The following MACROD2 variants were observed in gnomAD, a reference collection of about 807,000 sequenced individuals.
MACROD2 encodes mono-ADP ribosylhydrolase 2.
In MACROD2, 36 loss-of-function variants were observed where a neutral mutation model predicts 70.4. The ratio of observed to expected loss-of-function variants is 0.51; its 90% confidence interval spans 0.39 to 0.68. The LOEUF is 0.68. Among genes scored for constraint, MACROD2 ranks in the 30% least tolerant of loss-of-function variants. The probability of loss-of-function intolerance (pLI) is 0.00; values close to 1 mark genes in which losing one functional copy is unlikely to be tolerated. For synonymous variants in MACROD2, 172 were observed against 178.8 expected, an observed-to-expected ratio of 0.96 and a Z score of 0.30; for missense variants, 496 against 538.4, an observed-to-expected ratio of 0.92 and a Z score of 0.78.
intron 2 of MACROD2, among the ~76,000 whole-genome samples, chr20:14,055,977 A>G (rs150924402): frequency 9.2e-5 from 14 of 152,260 alleles, no homozygotes; most frequent in African/African-American, 3.1e-4. Context: ...TAAGAACCCC[A>G]GACTGTGTTA....
At chr20:15,691,406 G>A (rs1251749254) in intron 8 of MACROD2, among the ~76,000 whole-genome samples, 1 of 152,068 alleles carries the variant, frequency 6.6e-6, no homozygotes, top group Admixed American at 6.5e-5. Context: ...CCTACTATGT[G>A]CCAGGTACCA....
chr20:14,144,834 G>T (rs2054925258), intron 3 of MACROD2, among the ~76,000 whole-genome samples: 1 of 152,090 alleles, frequency 6.6e-6, no homozygotes, highest in Non-Finnish European at 1.5e-5. Context: ...ATAATTATGG[G>T]GGTGTTGCCC....
chr20:14,312,011 G>C (rs1310934059), intron 3 of MACROD2, among the ~76,000 whole-genome samples: 2 of 152,040 alleles, frequency 1.3e-5, no homozygotes, highest in Non-Finnish European at 2.9e-5. Context: ...TATTTTCTGA[G>C]TAACAAGTCA....
chr20:15,353,444 C>A (rs1367390503), intron 6 of MACROD2, among the ~76,000 whole-genome samples: 1 of 152,040 alleles, frequency 6.6e-6, no homozygotes, highest in African/African-American at 2.4e-5. Flanking sequence ...TAGGCATGGG[C>A]AAGGACTTCT....
At chr20:15,752,024 A>T (rs2051280056) in intron 8 of MACROD2, among the ~76,000 whole-genome samples, 1 of 151,984 alleles carries the variant, frequency 6.6e-6, no homozygotes, top group African/African-American at 2.4e-5. Context: ...TAGAACTCGG[A>T]CTGACATCTT....
intron 5 of MACROD2, among the ~76,000 whole-genome samples, chr20:14,798,073 T>C (rs776510898): frequency 1.3e-5 from 2 of 152,100 alleles, no homozygotes; most frequent in Non-Finnish European, 2.9e-5. Flanking sequence ...GAGGTGTAAT[T>C]AATAATGTCA....
At chr20:15,783,203 C>T (rs1274607458) in intron 8 of MACROD2, among the ~76,000 whole-genome samples, 2 of 152,010 alleles carry the variant, frequency 1.3e-5, no homozygotes, top group Non-Finnish European at 2.9e-5. Flanking sequence ...TTGTTTGTCT[C>T]GATTCTCCTT....
rs1323536025 is a variant in MACROD2, at chr20:15,791,153, T to G, written c.646-71592T>G. On this transcript the variant is annotated intron_variant, in intron 8 of 17. Coordinates refer to ENST00000684519, the MANE Select transcript of MACROD2 (RefSeq NM_001351661.2). ...TTTCCATGGAAGTAGTTAGTCATTCTTCTCAATTCTTTATTTGGATGCTCA... is the reference window on the plus strand; with the variant it reads ...TTTCCATGGAAGTAGTTAGTCATTCGTCTCAATTCTTTATTTGGATGCTCA... Among the ~76,000 whole-genome samples, 4 of 152,144 alleles carry G rather than the reference T, an allele frequency of 2.6e-5. No homozygotes were observed. The South Asian group carries it at 8.3e-4, about 32-fold the overall frequency.
intron 4 of MACROD2, among the ~76,000 whole-genome samples, chr20:14,642,203 T>G (rs1468869550): frequency 6.6e-6 from 1 of 152,200 alleles, no homozygotes; most frequent in African/African-American, 2.4e-5. Context: ...AACTTTTCTC[T>G]TCCAGCTTCC....
intron 8 of MACROD2, among the ~76,000 whole-genome samples, chr20:15,529,768 C>T (rs573368223): frequency 6.6e-6 from 1 of 152,170 alleles, no homozygotes; most frequent in Non-Finnish European, 1.5e-5. Context: ...CCGCCCCCCC[C>T]ACCTTTGACC....
intron 6 of MACROD2, among the ~76,000 whole-genome samples, chr20:15,417,598 C>CAAAAA (rs71340225): frequency 7.2e-5 from 5 of 69,298 alleles, no homozygotes; most frequent in African/African-American, 2.5e-4. Flanking sequence ...AACCCTGTCT[C>CAAAAA]AAAAAAAAAA....
At chr20:14,489,286 G>A (rs867629993) in intron 3 of MACROD2, among the ~76,000 whole-genome samples, 4 of 152,186 alleles carry the variant, frequency 2.6e-5, no homozygotes, top group South Asian at 4.1e-4. Context: ...GAGGCCTGTT[G>A]CCAGATTGAT....
chr20:14,106,206 C>A (rs2054365967), intron 3 of MACROD2, among the ~76,000 whole-genome samples: 1 of 152,200 alleles, frequency 6.6e-6, no homozygotes, highest in Admixed American at 6.5e-5. Flanking sequence ...TAGCATTCAC[C>A]ACAAGCTGAC....
intron 5 of MACROD2, among the ~76,000 whole-genome samples, chr20:14,782,925 A>T (rs185459303): frequency 6.6e-6 from 1 of 152,282 alleles, no homozygotes; most frequent in Admixed American, 6.5e-5. Flanking sequence ...AAGACAAGGC[A>T]CAGCAGTGCA....
At chr20:14,270,220 C>T (rs1416303706) in intron 3 of MACROD2, among the ~76,000 whole-genome samples, 1 of 152,030 alleles carries the variant, frequency 6.6e-6, no homozygotes, top group Non-Finnish European at 1.5e-5. Flanking sequence ...AACATATATA[C>T]ACACACATAT....
At chr20:14,927,736 C>T (rs550339164) in intron 5 of MACROD2, among the ~76,000 whole-genome samples, 1 of 152,294 alleles carries the variant, frequency 6.6e-6, no homozygotes, top group East Asian at 1.9e-4. Context: ...GTATCTGCTC[C>T]TGATGGAATT....
intron 5 of MACROD2, among the ~76,000 whole-genome samples, chr20:14,768,708 C>A (rs1253811438): frequency 6.6e-6 from 1 of 150,426 alleles, no homozygotes; most frequent in Middle Eastern, 3.2e-3. Flanking sequence ...CCTCTGCCTC[C>A]CGGGTTCAAG....
At chr20:15,964,011 C>A (rs1260321199) in intron 12 of MACROD2, among the ~76,000 whole-genome samples, 1 of 152,066 alleles carries the variant, frequency 6.6e-6, no homozygotes, top group African/African-American at 2.4e-5. Flanking sequence ...AAATTTAATT[C>A]CAGTTCTCTG....
At chr20:15,813,074 T>C (rs1192301668) in intron 8 of MACROD2, among the ~76,000 whole-genome samples, 1 of 152,218 alleles carries the variant, frequency 6.6e-6, no homozygotes, top group Non-Finnish European at 1.5e-5. Context: ...ATATATTTTA[T>C]TAATTCCCTA....
Sources: allele counts gnomAD v4.1 joint callset (sites outside exome capture counted in the v4.1 genomes callset), GRCh38; gene constraint gnomAD v4.1.1; transcripts MANE v1.5; gene names NCBI Gene and HGNC (gene_info 2026-07-23, HGNC 2026-07-21).